Variants in EBF1 observed in about 807,000 individuals in gnomAD.
EBF1 encodes the protein transcription factor COE1.
In EBF1, 10 loss-of-function variants were observed where a neutral mutation model predicts 68.4. That is an observed-to-expected ratio of 0.15 (90% CI 0.09 to 0.25). EBF1 has a LOEUF of 0.25. Ranked by LOEUF, EBF1 falls within the 10% of genes least tolerant of loss-of-function variation. The probability of loss-of-function intolerance (pLI) is 1.00; values close to 1 mark genes in which losing one functional copy is unlikely to be tolerated. For synonymous variants in EBF1, 298 were observed against 299.8 expected (o/e 0.99, Z 0.06); for missense variants, 509 against 794.4 (o/e 0.64, Z 4.32).
intron 10 of EBF1, among the ~76,000 whole-genome samples, chr5:158,755,489 A>G (rs545866850): frequency 6.6e-6 from 1 of 152,278 alleles, no homozygotes; most frequent in South Asian, 2.1e-4. Flanking sequence ...CACACTTTGC[A>G]CATAGTTGAC....
intron 9 of EBF1, among the ~76,000 whole-genome samples, chr5:158,791,047 G>A (rs1365641122): frequency 6.6e-6 from 1 of 152,164 alleles, no homozygotes; most frequent in Non-Finnish European, 1.5e-5. Context: ...TAGGCTGGGT[G>A]CAGTCACTCA....
chr5:158,808,069 A>G (rs1364543636), intron 8 of EBF1, among the ~76,000 whole-genome samples: 1 of 152,102 alleles, frequency 6.6e-6, no homozygotes, highest in South Asian at 2.1e-4. Context: ...TCCCTGACAC[A>G]TTTAGTGACA....
At chr5:158,752,787 T>C (rs1270441863) in intron 10 of EBF1, among the ~76,000 whole-genome samples, 1 of 152,112 alleles carries the variant, frequency 6.6e-6, no homozygotes, top group Non-Finnish European at 1.5e-5. Flanking sequence ...AAAATCTTGA[T>C]AAGTTATCCG....
intron 6 of EBF1, among the ~76,000 whole-genome samples, chr5:159,005,614 G>A (rs933469002): frequency 6.6e-6 from 1 of 152,110 alleles, no homozygotes; most frequent in Non-Finnish European, 1.5e-5. Context: ...AGAAATTAAA[G>A]ATCATGAAAT....
chr5:158,819,672 G>A (rs1404944179), intron 8 of EBF1, among the ~76,000 whole-genome samples: 2 of 152,130 alleles, frequency 1.3e-5, no homozygotes, highest in Non-Finnish European at 2.9e-5. Context: ...CTTTCATCCC[G>A]AGCTCATGCT....
intron 6 of EBF1, among the ~76,000 whole-genome samples, chr5:158,906,220 G>T (rs1804555821): frequency 6.8e-6 from 1 of 146,754 alleles, no homozygotes; most frequent in Admixed American, 6.9e-5. Flanking sequence ...CAAGAATGTT[G>T]TAAGTGACAG....
At chr5:159,004,380 C>T (rs1286889755) in intron 6 of EBF1, among the ~76,000 whole-genome samples, 1 of 152,032 alleles carries the variant, frequency 6.6e-6, no homozygotes, top group African/African-American at 2.4e-5. Context: ...CTATTATGTT[C>T]CTTTTACAGA....
intron 7 of EBF1, among the ~76,000 whole-genome samples, chr5:158,826,174 T>A (rs1024191426): frequency 1.8e-4 from 28 of 152,182 alleles, no homozygotes; most frequent in African/African-American, 5.8e-4. Context: ...ACAACAACAC[T>A]TTCCTTCTTT....
In EBF1 at chr5:158,937,153, C is replaced by T. The variant is rs1812194060; in HGVS notation, c.555-97043G>A. 3.3e-5 allele frequency among the ~76,000 whole-genome samples: 5 copies of T among 151,824 alleles called. No individual in the cohort carries two copies. The South Asian group carries it at 1.0e-3, about 32-fold the overall frequency. On this transcript the variant is annotated intron_variant, in intron 6 of 15. Coordinates refer to ENST00000313708, the MANE Select transcript of EBF1 (RefSeq NM_024007.5). The stretch of plus-strand genomic sequence containing the variant: ...CAGAAGACTGGGTGGGGGTACTTTT[C>T]CTTGCATTCAAACTCATTTTTTTCT...
chr5:158,784,670 C>T (rs1017388175), intron 9 of EBF1, among the ~76,000 whole-genome samples: 1 of 152,008 alleles, frequency 6.6e-6, no homozygotes, highest in African/African-American at 2.4e-5. Context: ...ATATTTTAAC[C>T]TTAATCACCT....
intron 6 of EBF1, among the ~76,000 whole-genome samples, chr5:158,863,728 AT>A (rs1202590744): frequency 1.3e-5 from 2 of 152,148 alleles, no homozygotes; most frequent in Admixed American, 6.5e-5. Context: ...CATAATCTTG[AT>A]TTTTTTCATA....
chr5:158,714,317 A>T lies in EBF1; in HGVS notation c.1126-135T>A, dbSNP rs1010151219. The T allele has an allele frequency of 6.5e-6, 6 of 917,404 alleles. No homozygotes were observed. The African/African-American group carries it at 9.7e-5, about 15-fold the overall frequency. The allele number at this position is 917,404 out of a possible 1,614,324, so 56.8% of individuals were successfully genotyped here. Reference sequence around the variant, plus strand: ...TAAAGGCCGTAGCTTGGGGAACCCCAGAAGGGTGTTAAATCACCAATTTAT... The same window carrying T: ...TAAAGGCCGTAGCTTGGGGAACCCCTGAAGGGTGTTAAATCACCAATTTAT... On this transcript the variant is annotated intron_variant, in intron 11 of 15. Coordinates refer to ENST00000313708, the MANE Select transcript of EBF1 (RefSeq NM_024007.5).
intron 6 of EBF1, among the ~76,000 whole-genome samples, chr5:159,035,832 T>C (rs1281146520): frequency 6.6e-6 from 1 of 152,220 alleles, no homozygotes; most frequent in Non-Finnish European, 1.5e-5. Flanking sequence ...GGGTCATGCA[T>C]GCACAAAAGT....
rs117765526 is a variant in EBF1 at position 158,934,786 on chromosome 5, G to A, written c.555-94676C>T. 2.1e-3 allele frequency among the ~76,000 whole-genome samples: 314 copies of A among 152,296 alleles called. 1 individual carries two copies. Among genetic ancestry groups the A allele is most frequent in the East Asian group, 0.02 (105 of 5,186 alleles). ...TGTAAAACGTTTAGCACAGTGCCTG[G>A]CACATAGTATTCACTAAATGTCCTT... On this transcript the variant is annotated intron_variant, in intron 6 of 15. Transcript: ENST00000313708.
intron 6 of EBF1, among the ~76,000 whole-genome samples, chr5:159,067,406 T>A (rs1777040520): frequency 6.6e-6 from 1 of 152,212 alleles, no homozygotes; most frequent in South Asian, 2.1e-4. Flanking sequence ...CTCCGTTAAA[T>A]ACATTTCTTG....
intron 4 of EBF1, among the ~76,000 whole-genome samples, chr5:159,088,102 TTCAG>T (rs1781031687): frequency 6.6e-6 from 1 of 152,120 alleles, no homozygotes; most frequent in South Asian, 2.1e-4. Flanking sequence ...TAGAGTGGAA[TTCAG>T]TCAAAGACAG....
rs562693580 is a variant in EBF1 at position 158,999,658 on chromosome 5, C to T, written c.554+73738G>A. 2.6e-5 allele frequency among the ~76,000 whole-genome samples: 4 copies of T among 152,298 alleles called. No individual in the cohort carries two copies. The East Asian group carries it at 7.7e-4, about 29-fold the overall frequency. On this transcript the variant is annotated intron_variant, in intron 6 of 15. Coordinates refer to ENST00000313708, the MANE Select transcript of EBF1 (RefSeq NM_024007.5). Reference sequence around the variant, plus strand: ...AAATGAAAACTAAGTTCAGCAGTTGCTGATGGTCTCAAAATTATGCTATCC... The same window carrying T: ...AAATGAAAACTAAGTTCAGCAGTTGTTGATGGTCTCAAAATTATGCTATCC...
chr5:158,914,284 GGA>G (rs1806651860), intron 6 of EBF1, among the ~76,000 whole-genome samples: 1 of 152,106 alleles, frequency 6.6e-6, no homozygotes, highest in Admixed American at 6.5e-5. Flanking sequence ...TTAATATCAT[GGA>G]GATATGATTT....
chr5:158,777,574 G>C, intron 9 of EBF1, 35 bp from the exon 10 acceptor site: 1 of 1,571,346 alleles, frequency 6.4e-7, no homozygotes, highest in Non-Finnish European at 8.6e-7. Context: ...AATTGTCATT[G>C]CAATAGTTAA....
Sources: allele counts gnomAD v4.1 joint callset (sites outside exome capture counted in the v4.1 genomes callset), GRCh38; gene constraint gnomAD v4.1.1; transcripts MANE v1.5; gene names NCBI Gene and HGNC (gene_info 2026-07-23, HGNC 2026-07-21).